The following FRMPD2 variants were observed in gnomAD, a reference collection of about 807,000 sequenced individuals.
FRMPD2 encodes FERM and PDZ domain containing 2.
FRMPD2 carries 96 observed loss-of-function variants against 140.1 expected under a neutral mutation model. The observed-to-expected ratio is 0.69, with a 90% CI of 0.58 to 0.81. The LOEUF is 0.81. Ranked by LOEUF, FRMPD2 falls within the 40% of genes least tolerant of loss-of-function variation. The probability of loss-of-function intolerance (pLI) is 0.00; values close to 1 mark genes in which losing one functional copy is unlikely to be tolerated. For synonymous variants in FRMPD2, 449 were observed against 547.6 expected, an observed-to-expected ratio of 0.82 and a Z score of 2.52; for missense variants, 1,240 against 1,447.4, an observed-to-expected ratio of 0.86 and a Z score of 2.32.
At chr10:48,235,535 T>C (rs991842448) in intron 9 of FRMPD2, among the ~76,000 whole-genome samples, 1 of 152,094 alleles carries the variant, frequency 6.6e-6, no homozygotes, top group Admixed American at 6.5e-5. Context: ...GTGGGCTCAT[T>C]GGTGCTCTTC....
intron 13 of FRMPD2, 147 bp from the exon 14 acceptor site, chr10:48,207,080 C>A: frequency 3.1e-6 from 2 of 644,146 alleles, no homozygotes; most frequent in Non-Finnish European, 4.9e-6. Flanking sequence ...AACACTGGGT[C>A]AAACAGATTT....
chr10:48,192,432 T>C (rs569272121), intron 16 of FRMPD2, among the ~76,000 whole-genome samples: 2 of 151,826 alleles, frequency 1.3e-5, no homozygotes, highest in South Asian at 2.1e-4. Flanking sequence ...ACTAAAAATA[T>C]AAAAATTAGC....
chr10:48,273,962 C>T (rs1764447886), intron 1 of FRMPD2, among the ~76,000 whole-genome samples: 1 of 151,976 alleles, frequency 6.6e-6, no homozygotes, highest in Non-Finnish European at 1.5e-5. Context: ...ACAAATAAAG[C>T]CAGGTGAATC....
At chr10:48,254,436 T>TGTCCC (rs1840450319) in intron 1 of FRMPD2, among the ~76,000 whole-genome samples, 1 of 152,222 alleles carries the variant, frequency 6.6e-6, no homozygotes, top group Non-Finnish European at 1.5e-5. Flanking sequence ...CCCACCTCCC[T>TGTCCC]GTCCCTTGCT....
intron 7 of FRMPD2, 62 bp downstream of exon 7, chr10:48,239,543 C>G (rs1009800690): frequency 8.4e-7 from 1 of 1,184,434 alleles, no homozygotes; most frequent in Non-Finnish European, 1.2e-6. Context: ...AATAAGGTAC[C>G]ATAGCCCCCA....
chr10:48,193,755 G>T (rs1489538329), intron 15 of FRMPD2, among the ~76,000 whole-genome samples: 2 of 152,172 alleles, frequency 1.3e-5, no homozygotes, highest in Non-Finnish European at 2.9e-5. Context: ...GTGTGTATGT[G>T]TGTGTGTGTG....
intron 1 of FRMPD2, among the ~76,000 whole-genome samples, chr10:48,258,225 C>T (rs1475150394): frequency 6.6e-6 from 1 of 152,218 alleles, no homozygotes; most frequent in Admixed American, 6.5e-5. Flanking sequence ...CATTTTTCCC[C>T]TGAAGGAGGA....
chr10:48,248,625 T>C (rs576611758), intron 3 of FRMPD2: 1 of 154,422 alleles, frequency 6.5e-6, no homozygotes, highest in African/African-American at 2.4e-5. Context: ...AATTTATCTT[T>C]ACTTGTGCCT....
chr10:48,272,761 A>G (rs1399274968), intron 1 of FRMPD2, among the ~76,000 whole-genome samples: 1 of 152,274 alleles, frequency 6.6e-6, no homozygotes, highest in African/African-American at 2.4e-5. Context: ...CATTGTGAAT[A>G]ACACAAAAAT....
At chr10:48,202,384 G>C (rs1047194904) in intron 14 of FRMPD2, among the ~76,000 whole-genome samples, 1 of 152,062 alleles carries the variant, frequency 6.6e-6, no homozygotes, top group African/African-American at 2.4e-5. Context: ...CTCCATTCAC[G>C]CATGTCAGAT....
At chr10:48,251,432 G>T in intron 2 of FRMPD2, 134 bp downstream of exon 2, 1 of 1,092,812 alleles carries the variant, frequency 9.2e-7, no homozygotes. Context: ...AGTAATCACA[G>T]ATCAAGCAGC....
At position 48,222,301 on chromosome 10, in the gene FRMPD2, G is replaced by C; in HGVS notation, c.1455+12C>G. 6.2e-7 allele frequency: 1 copy of C among 1,611,982 alleles called. No homozygotes were observed. Among genetic ancestry groups the C allele is most frequent in the Non-Finnish European group, 8.5e-7 (1 of 1,179,218 alleles). On this transcript the variant is annotated intron_variant, in intron 12 of 28. Transcript: ENST00000374201. The stretch of plus-strand genomic sequence containing the variant: ...GTGACCCCACACAAAGGCCCCTGGT[G>C]TTCACCCCTACCTCCTTAGGGTAAT...
At chr10:48,220,769 G>T (rs1421261392) in intron 12 of FRMPD2, among the ~76,000 whole-genome samples, 1 of 152,082 alleles carries the variant, frequency 6.6e-6, no homozygotes, top group African/African-American at 2.4e-5. Flanking sequence ...TCATCAGAAA[G>T]TAGACTAAGG....
At chr10:48,230,294 G>A (rs1588843020) in intron 10 of FRMPD2, among the ~76,000 whole-genome samples, 1 of 152,028 alleles carries the variant, frequency 6.6e-6, no homozygotes, top group East Asian at 1.9e-4. Context: ...ATTTATATAA[G>A]TTCAATAAAA....
rs1452852983 is a variant in FRMPD2, at chr10:48,163,444, G to GTTTGCATAAAT, written c.3764_3765insATTTATGCAAA (p.His1256PhefsTer28). 3.0e-6 allele frequency: 3 copies of GTTTGCATAAAT among 988,720 alleles called. 1 individual carries two copies. The East Asian group carries it at 7.2e-5, about 24-fold the overall frequency. 61.2% of individuals were successfully genotyped at this position (988,720 alleles called of 1,614,324 possible). On this transcript the variant is annotated frameshift_variant, in exon 28 of 29. Transcript: ENST00000374201. LOFTEE classifies it high-confidence loss of function. ...GGTGAAGTTTGCATAAATGAGGGTG[G>GTTTGCATAAAT]GACTCAGGAGAATGTGTCAAGGAAC...
At chr10:48,266,070 A>T (rs1335972054) in intron 1 of FRMPD2, among the ~76,000 whole-genome samples, 2 of 152,212 alleles carry the variant, frequency 1.3e-5, no homozygotes, top group Non-Finnish European at 2.9e-5. Context: ...TTTCAGGAAC[A>T]TGGTTGGAGC....
Position 48,239,666 on chromosome 10 carries a change from T to G in FRMPD2, c.727A>C (p.Ser243Arg). 6.2e-7 allele frequency: 1 copy of G among 1,614,016 alleles called. No homozygotes were observed. Among genetic ancestry groups the G allele is most frequent in the Admixed American group, 1.7e-5 (1 of 60,016 alleles). Residue 243 changes from serine (S) to arginine (R), a missense_variant, in exon 7 of 29, where the codon AGC becomes CGC. Physicochemically the swap from Ser to Arg is moderately radical, Grantham distance 110. Around this residue, in one of 6 missense-constraint regions of FRMPD2, gnomAD observed 1,161 missense variants for 1,055.9 expected, o/e 1.10. Coordinates refer to ENST00000374201, the MANE Select transcript of FRMPD2 (RefSeq NM_001018071.4). ...GTGCTCCAATGGGGCTCTGGTGAGC[T>G]CTGGGTCTCCGTGCTTCTTTCTGAA... is the stretch of plus-strand genomic sequence containing the variant. ...RVSERSTETQ[S>R]SPEPHWSTLT...
chr10:48,218,799 A>C (rs1214533872), intron 12 of FRMPD2, among the ~76,000 whole-genome samples: 1 of 152,220 alleles, frequency 6.6e-6, no homozygotes, highest in Admixed American at 6.5e-5. Flanking sequence ...ACATCATGTG[A>C]GTTCCTATCA....
intron 28 of FRMPD2, chr10:48,159,291 T>C: frequency 2.2e-6 from 1 of 454,502 alleles, no homozygotes; most frequent in Non-Finnish European, 4.4e-6. Flanking sequence ...GAAGCTCAGA[T>C]GATAAATCTG....
Sources: allele counts gnomAD v4.1 joint callset (sites outside exome capture counted in the v4.1 genomes callset), GRCh38; gene constraint gnomAD v4.1.1; regional missense constraint gnomAD v4.1.1; transcripts MANE v1.5; gene names NCBI Gene and HGNC (gene_info 2026-07-23, HGNC 2026-07-21).